Variants in ADGRL3 observed in about 807,000 individuals in gnomAD.
ADGRL3 encodes adhesion G protein-coupled receptor L3, also known as calcium-independent alpha-latrotoxin receptor 3.
A neutral mutation model predicts 153.5 loss-of-function variants in ADGRL3; 62 were observed. The ratio of observed to expected loss-of-function variants is 0.40; its 90% CI spans 0.33 to 0.50. ADGRL3 has a LOEUF of 0.50. Among genes scored for constraint, ADGRL3 ranks in the 20% least tolerant of loss-of-function variants. The probability of loss-of-function intolerance (pLI) is 0.47; values close to 1 mark genes in which losing one functional copy is unlikely to be tolerated. For missense variants in ADGRL3, 1,641 were observed against 1,859.4 expected (o/e 0.88, Z 2.16); for synonymous variants, 710 against 672.5 (o/e 1.06, Z -0.86).
intron 9 of ADGRL3, among the ~76,000 whole-genome samples, chr4:61,873,465 C>G (rs984121399): frequency 4.6e-5 from 7 of 152,070 alleles, no homozygotes. Flanking sequence ...CAAAATAAAA[C>G]CAATTTTTAA....
At chr4:61,979,811 A>G (rs556743868) in intron 18 of ADGRL3, 39 bp downstream of exon 18, 2 of 1,549,772 alleles carry the variant, frequency 1.3e-6, no homozygotes, top group African/African-American at 2.7e-5. Flanking sequence ...GAATTTTTCC[A>G]CTTCCAGCTT....
rs146806475 is a variant in ADGRL3, at chr4:61,241,424, G to A, written c.-240+39659G>A. 2.5e-3 allele frequency among the ~76,000 whole-genome samples: 382 copies of A among 152,028 alleles called. 2 individuals are homozygous for A. The highest frequency in any genetic ancestry group is 4.7e-3 in the Non-Finnish European group (318 of 67,944). On this transcript the variant is annotated intron_variant, in intron 1 of 26. Coordinates refer to ENST00000683033, the MANE Select transcript of ADGRL3 (RefSeq NM_001387552.1). ...GGCACCATGTAGATTCTTAAATTAGGTATCAATATACTGAAACTACTTTTA... is the reference window on the plus strand; with the variant it reads ...GGCACCATGTAGATTCTTAAATTAGATATCAATATACTGAAACTACTTTTA...
chr4:61,348,770 C>T (rs2095979580), intron 1 of ADGRL3, among the ~76,000 whole-genome samples: 1 of 151,896 alleles, frequency 6.6e-6, no homozygotes, highest in Admixed American at 6.6e-5. Context: ...AACTGGAAGA[C>T]CTGACAATCT....
At chr4:61,644,873 T>G (rs955262030) in intron 5 of ADGRL3, among the ~76,000 whole-genome samples, 4 of 152,000 alleles carry the variant, frequency 2.6e-5, no homozygotes, top group Non-Finnish European at 5.9e-5. Flanking sequence ...CTGTCTAATG[T>G]TGACAGTGGG....
intron 1 of ADGRL3, among the ~76,000 whole-genome samples, chr4:61,352,489 A>T (rs1039886467): frequency 6.6e-5 from 10 of 151,802 alleles, no homozygotes; most frequent in African/African-American, 1.9e-4. Flanking sequence ...CCCAGGTTCA[A>T]TTATCCTGCC....
chr4:61,492,371 A>C (rs2152787080), intron 2 of ADGRL3, among the ~76,000 whole-genome samples: 1 of 152,254 alleles, frequency 6.6e-6, no homozygotes, highest in East Asian at 1.9e-4. Flanking sequence ...TATGATGGAA[A>C]AGGTACAATC....
Position 61,572,515 on chromosome 4 carries a change from C to T in ADGRL3, c.260-14712C>T, listed in dbSNP as rs572609674. 1.6e-4 allele frequency among the ~76,000 whole-genome samples: 25 copies of T among 152,010 alleles called. 1 individual carries two copies. The highest frequency in any genetic ancestry group is 6.8e-3 in the Middle Eastern group (2 of 294). ...GAGAAAGGAAACACAATATTAAATG[C>T]GTATAAATTTAAAAGTAATTTATGA... is the stretch of plus-strand genomic sequence containing the variant. On this transcript the variant is annotated intron_variant, in intron 4 of 26. Transcript: ENST00000683033.
At chr4:61,227,332 A>G (rs950263325) in intron 1 of ADGRL3, among the ~76,000 whole-genome samples, 1 of 151,966 alleles carries the variant, frequency 6.6e-6, no homozygotes, top group Non-Finnish European at 1.5e-5. Flanking sequence ...CAGCTTCCCA[A>G]GTTGCTGGGA....
At position 61,505,097 on chromosome 4, in the gene ADGRL3, C is replaced by T. The variant is rs115519993; in HGVS notation, c.55+7749C>T. ...ACAGACAAAGGTTCCCCTTTCTCCA[C>T]ATCCTCACTAGCATTTGTTATTGCC... On this transcript the variant is annotated intron_variant, in intron 3 of 26. Transcript: ENST00000683033. Among the ~76,000 whole-genome samples the T allele has an allele frequency of 7.0e-3, 1,058 of 152,226 alleles. 14 individuals are homozygous for T. Among genetic ancestry groups the T allele is most frequent in the African/African-American group, 0.024 (1,001 of 41,552 alleles).
At chr4:61,814,159 A>G (rs182422253) in intron 9 of ADGRL3, among the ~76,000 whole-genome samples, 343 of 152,206 alleles carry the variant, frequency 2.3e-3, no homozygotes, top group African/African-American at 7.7e-3. Context: ...TTGAATACCA[A>G]TTTAGATTTA....
At chr4:61,430,006 A>G (rs7655169) in intron 2 of ADGRL3, among the ~76,000 whole-genome samples, 59,740 of 151,904 alleles carry the variant, frequency 0.39, 12,302 homozygotes, top group Middle Eastern at 0.57. Flanking sequence ...TGATCCCATC[A>G]ACAGTTTTGG....
intron 1 of ADGRL3, among the ~76,000 whole-genome samples, chr4:61,345,940 G>A (rs1010271360): frequency 6.6e-6 from 1 of 152,140 alleles, no homozygotes; most frequent in Non-Finnish European, 1.5e-5. Flanking sequence ...TTGGGGTGAC[G>A]TGGGTTAGGA....
At chr4:61,495,172 A>T (rs753836781) in intron 2 of ADGRL3, among the ~76,000 whole-genome samples, 16 of 152,122 alleles carry the variant, frequency 1.1e-4, no homozygotes, top group Non-Finnish European at 1.9e-4. Flanking sequence ...AGTAATTGAG[A>T]TCAGGTTGTC....
intron 8 of ADGRL3, among the ~76,000 whole-genome samples, chr4:61,809,714 A>C (rs2097587434): frequency 1.3e-5 from 2 of 152,000 alleles, no homozygotes; most frequent in African/African-American, 4.8e-5. Context: ...TCTGCATAAG[A>C]ATATGGACTC....
At chr4:61,474,878 C>T (rs903916738) in intron 2 of ADGRL3, among the ~76,000 whole-genome samples, 2 of 152,080 alleles carry the variant, frequency 1.3e-5, no homozygotes, top group Non-Finnish European at 2.9e-5. Flanking sequence ...ATCATTTCCC[C>T]CACAAGATTT....
chr4:62,049,649 G>A (rs1733060801), intron 25 of ADGRL3, among the ~76,000 whole-genome samples: 1 of 152,090 alleles, frequency 6.6e-6, no homozygotes, highest in Non-Finnish European at 1.5e-5. Flanking sequence ...CTCGTAGCTA[G>A]TGGCATTACT....
At chr4:61,294,945 A>G (rs1255495305) in intron 1 of ADGRL3, among the ~76,000 whole-genome samples, 1 of 150,774 alleles carries the variant, frequency 6.6e-6, no homozygotes, top group East Asian at 2.0e-4. Context: ...AGTAGTCCCC[A>G]TTATTCGCGG....
At chr4:61,762,907 A>G (rs569116214) in intron 8 of ADGRL3, among the ~76,000 whole-genome samples, 35 of 152,286 alleles carry the variant, frequency 2.3e-4, no homozygotes, top group African/African-American at 8.4e-4. Context: ...CTGGCTACAC[A>G]TAAAATTCTT....
intron 4 of ADGRL3, among the ~76,000 whole-genome samples, chr4:61,559,711 C>T (rs559079834): frequency 1.3e-5 from 2 of 151,944 alleles, no homozygotes; most frequent in African/African-American, 2.4e-5. Context: ...AAAGCATGAG[C>T]GAAATATTTG....
Sources: gnomAD v4.1 joint callset for allele counts (sites outside exome capture counted in the v4.1 genomes callset) on GRCh38, gnomAD v4.1.1 for gene constraint, MANE v1.5 for transcripts, NCBI Gene and HGNC (gene_info 2026-07-23, HGNC 2026-07-21) for gene names.